The following NPAS3 variants were observed in gnomAD, a reference collection of about 807,000 sequenced individuals.
The protein encoded by NPAS3 is neuronal PAS domain protein 3.
A neutral mutation model predicts 73.1 loss-of-function variants in NPAS3; 14 were observed. The observed-to-expected ratio is 0.19, with a 90% CI of 0.13 to 0.30. The LOEUF (loss-of-function observed/expected upper bound fraction) is 0.30, where lower values mean the gene tolerates loss of function less well. NPAS3 is among the 10% of genes least tolerant of loss of function. The probability of loss-of-function intolerance (pLI) is 1.00; values close to 1 mark genes in which losing one functional copy is unlikely to be tolerated. For missense variants in NPAS3, 1,096 were observed against 1,250.0 expected (o/e 0.88, Z 1.86); for synonymous variants, 620 against 541.5 (o/e 1.14, Z -2.01).
intron 4 of NPAS3, among the ~76,000 whole-genome samples, chr14:33,439,563 C>G (rs2049145019): frequency 6.6e-6 from 1 of 152,072 alleles, no homozygotes; most frequent in Non-Finnish European, 1.5e-5. Context: ...AATCTGAGTA[C>G]TGAAAAATAA....
chr14:33,343,916 A>G (rs1388267831), intron 3 of NPAS3, among the ~76,000 whole-genome samples: 2 of 152,158 alleles, frequency 1.3e-5, no homozygotes, highest in African/African-American at 4.8e-5. Context: ...CCTCGTGCAA[A>G]TATTTCTGGT....
In NPAS3 at chr14:33,797,463, T is replaced by A; in HGVS notation, c.1308T>A (p.Pro436=). ...CAGTGCCTCCCTTCCACAGCAATCC[T>A]GAGTACAAGGACACACCCATGGACA... Residue 436 remains proline (P), a synonymous_variant, in exon 11 of 12, where the codon CCT becomes CCA. Coordinates refer to ENST00000356141, the Ensembl canonical transcript of NPAS3. 1.9e-6 allele frequency: 3 copies of A among 1,614,120 alleles called. No individual in the cohort carries two copies. The South Asian group carries it at 3.3e-5, about 18-fold the overall frequency.
At chr14:33,784,753 T>TTTTTTTTTTTA (rs2063112065) in intron 9 of NPAS3, among the ~76,000 whole-genome samples, 1 of 70,518 alleles carries the variant, frequency 1.4e-5, no homozygotes, top group Non-Finnish European at 3.3e-5. Context: ...TTATTTTTTT[T>TTTTTTTTTTTA]TTTTTTTTTT....
intron 7 of NPAS3, among the ~76,000 whole-genome samples, chr14:33,749,251 T>G (rs537946386): frequency 1.3e-5 from 2 of 152,350 alleles, no homozygotes; most frequent in Non-Finnish European, 2.9e-5. Context: ...GATTCACCCC[T>G]CTGTTTATGC....
chr14:33,254,210 C>T (rs243294), intron 3 of NPAS3, among the ~76,000 whole-genome samples: 142,036 of 152,132 alleles, frequency 0.93, 66,482 homozygotes, highest in Non-Finnish European at 0.97. Context: ...CCGTGGCCTT[C>T]TATAACCTAG....
rs556150334 is a variant in NPAS3 at position 33,378,902 on chromosome 14, C to T, written c.468+11634C>T. Reference sequence around the variant, plus strand: ...TGGAGATTAATGTGGAACAGAAAGACAGTTATACTACATGTTGAGCACCTC... The same window carrying T: ...TGGAGATTAATGTGGAACAGAAAGATAGTTATACTACATGTTGAGCACCTC... On this transcript the variant is annotated intron_variant, in intron 4 of 11. Transcript: ENST00000356141. Among the ~76,000 whole-genome samples the T allele has an allele frequency of 1.1e-4, 17 of 152,246 alleles. No individual in the cohort carries two copies. The East Asian group carries it at 2.9e-3, about 26-fold the overall frequency.
At chr14:33,392,632 C>T (rs1015477771) in intron 4 of NPAS3, among the ~76,000 whole-genome samples, 9 of 152,144 alleles carry the variant, frequency 5.9e-5, no homozygotes, top group African/African-American at 2.2e-4. Context: ...TCAGTTATGA[C>T]TATTTCCATA....
intron 1 of NPAS3, among the ~76,000 whole-genome samples, chr14:33,018,029 C>G (rs929560308): frequency 6.7e-6 from 1 of 149,426 alleles, no homozygotes; most frequent in African/African-American, 2.5e-5. Flanking sequence ...ACAGAAAAAA[C>G]AGCAAACAAA....
At chr14:33,603,145 G>T (rs1424602621) in intron 5 of NPAS3, among the ~76,000 whole-genome samples, 1 of 152,158 alleles carries the variant, frequency 6.6e-6, no homozygotes, top group Non-Finnish European at 1.5e-5. Context: ...TGTTCAAAAA[G>T]TTCAATGGAG....
chr14:33,730,830 A>G (rs2061380164), intron 6 of NPAS3, among the ~76,000 whole-genome samples: 1 of 152,228 alleles, frequency 6.6e-6, no homozygotes. Flanking sequence ...AAATGAACCA[A>G]CACCTCTTTT....
chr14:33,733,594 A>G (rs1034974046), intron 6 of NPAS3, among the ~76,000 whole-genome samples: 1 of 152,234 alleles, frequency 6.6e-6, no homozygotes, highest in African/African-American at 2.4e-5. Context: ...GTTTGTGCTT[A>G]TATAGTGTAT....
At chr14:33,602,175 T>A (rs74042348) in intron 5 of NPAS3, among the ~76,000 whole-genome samples, 2,955 of 152,288 alleles carry the variant, frequency 0.019, 102 homozygotes, top group African/African-American at 0.068. Flanking sequence ...GGGTTGCCCC[T>A]AAGTATTCAG....
chr14:33,539,147 C>T lies in NPAS3; in HGVS notation c.469-20974C>T, dbSNP rs1165235548. ...TGTAGGGGAAGGAAACGTTTCCTGT[C>T]TCAACATTGCGGTGTGCATGGGCTG... On this transcript the variant is annotated intron_variant, in intron 4 of 11. Coordinates refer to ENST00000356141, the Ensembl canonical transcript of NPAS3. Among the ~76,000 whole-genome samples, 5 of 151,928 alleles carry T rather than the reference C, an allele frequency of 3.3e-5. No individual in the cohort carries two copies. In the East Asian group the frequency reaches 7.8e-4, roughly 24 times the overall value.
chr14:33,150,073 G>A (rs910031691), intron 2 of NPAS3, among the ~76,000 whole-genome samples: 4 of 152,142 alleles, frequency 2.6e-5, no homozygotes, highest in Admixed American at 6.5e-5. Flanking sequence ...TGCTGAGAAT[G>A]ATGGTTTCCA....
chr14:33,197,237 C>CTCTGTGTGTGTGTG (rs368994117), intron 2 of NPAS3, among the ~76,000 whole-genome samples: 1 of 135,214 alleles, frequency 7.4e-6, no homozygotes, highest in African/African-American at 2.7e-5. Flanking sequence ...CTCCAGCAGG[C>CTCTGTGTGTGTGTG]TGTGTGTGTG....
rs1210492116 is a variant in NPAS3, at chr14:33,304,057, G to A, written c.386-63129G>A. ...CAAGTAGCTGGGACTACAGGTGCCC[G>A]CAACCACGCCCGACCAATTTTTTGT... is the stretch of plus-strand genomic sequence containing the variant. On this transcript the variant is annotated intron_variant, in intron 3 of 11. Coordinates refer to ENST00000356141, the Ensembl canonical transcript of NPAS3. 3.9e-5 allele frequency among the ~76,000 whole-genome samples: 6 copies of A among 152,276 alleles called. No individual in the cohort carries two copies. The South Asian group carries it at 8.3e-4, about 21-fold the overall frequency.
chr14:33,340,698 G>T (rs978047719), intron 3 of NPAS3, among the ~76,000 whole-genome samples: 2 of 152,096 alleles, frequency 1.3e-5, no homozygotes, highest in African/African-American at 4.8e-5. Flanking sequence ...AGCCTTCCCC[G>T]ATCAGCTCTG....
chr14:33,365,201 C>CAAAAAAAAAAA lies in NPAS3; in HGVS notation c.386-1974_386-1964dup, dbSNP rs371230319. On this transcript the variant is annotated intron_variant, in intron 3 of 11. Transcript: ENST00000356141. The stretch of plus-strand genomic sequence containing the variant: ...CAAAAGCCACCCACCCCCATAATCT[C>CAAAAAAAAAAA]AAAAAAAAAAAAAAAAAAAAAGGCT... 6.9e-4 allele frequency among the ~76,000 whole-genome samples: 31 copies of CAAAAAAAAAAA among 45,070 alleles called. 5 individuals are homozygous for CAAAAAAAAAAA. Among genetic ancestry groups the CAAAAAAAAAAA allele is most frequent in the African/African-American group, 2.6e-3 (24 of 9,328 alleles). 29.6% of individuals were successfully genotyped at this position (45,070 alleles called of 152,430 possible). A position where few individuals can be genotyped will look rare whatever the true frequency, so the allele number is the denominator to read the frequency against.
intron 3 of NPAS3, among the ~76,000 whole-genome samples, chr14:33,324,996 A>G (rs1373156661): frequency 6.6e-6 from 1 of 152,124 alleles, no homozygotes; most frequent in African/African-American, 2.4e-5. Context: ...TAGCATGAAC[A>G]GGGATGATAT....
Sources: allele counts gnomAD v4.1 joint callset (sites outside exome capture counted in the v4.1 genomes callset), GRCh38; gene constraint gnomAD v4.1.1; transcripts MANE v1.5; gene names NCBI Gene and HGNC (gene_info 2026-07-23, HGNC 2026-07-21).